UROS: variants seen among roughly 807,000 people sequenced by gnomAD.
UROS encodes uroporphyrinogen-III synthase.
A neutral mutation model predicts 33.0 loss-of-function variants in UROS; 18 were observed. The ratio of observed to expected loss-of-function variants is 0.55; its 90% confidence interval spans 0.38 to 0.81. UROS has a LOEUF of 0.81. UROS is among the 30% of genes least tolerant of loss of function. The pLI is 0.00. For missense variants in UROS, 293 were observed against 314.9 expected (o/e 0.93, Z 0.53); for synonymous variants, 114 against 121.1 (o/e 0.94, Z 0.38).
chr10:125,810,450 C>T (rs965931264), intron 5 of UROS, among the ~76,000 whole-genome samples: 1 of 152,158 alleles, frequency 6.6e-6, no homozygotes, highest in Non-Finnish European at 1.5e-5. Context: ...AGACCCTCCC[C>T]TAAGTCAAGC....
chr10:125,802,659 G>A (rs1374149857), intron 6 of UROS: 3 of 1,215,234 alleles, frequency 2.5e-6, no homozygotes, highest in South Asian at 4.2e-5. Context: ...CTCCTGAACT[G>A]TATGTTTTTA....
intron 5 of UROS, 67 bp downstream of exon 5, chr10:125,812,147 A>C: frequency 1.4e-6 from 2 of 1,453,200 alleles, no homozygotes; most frequent in Non-Finnish European, 1.9e-6. Context: ...AACTGAGTTA[A>C]ACTGTTTTTT....
chr10:125,794,408 T>C, intron 9 of UROS: 1 of 987,714 alleles, frequency 1.0e-6, no homozygotes, highest in Non-Finnish European at 1.2e-6. Flanking sequence ...ACACAAGAGT[T>C]GTGGTTATTT....
intron 8 of UROS, among the ~76,000 whole-genome samples, 158 bp downstream of exon 8, chr10:125,795,945 A>T (rs956604053): frequency 6.6e-6 from 1 of 152,214 alleles, no homozygotes; most frequent in South Asian, 2.1e-4. Context: ...CTAATTCTAG[A>T]ATCCCAGACC....
chr10:125,794,631 A>G (rs1223609699), intron 9 of UROS, among the ~76,000 whole-genome samples: 2 of 152,148 alleles, frequency 1.3e-5, no homozygotes, highest in Non-Finnish European at 2.9e-5. Flanking sequence ...CTAAGCAGGG[A>G]AGACCATACA....
At chr10:125,809,723 G>GA (rs1383269410) in intron 5 of UROS, among the ~76,000 whole-genome samples, 2 of 152,002 alleles carry the variant, frequency 1.3e-5, no homozygotes, top group South Asian at 2.1e-4. Context: ...ATGTACTTTT[G>GA]AAAAAAATTT....
In UROS at chr10:125,797,917, C is replaced by T. The variant is rs963307104; in HGVS notation, c.475+148G>A. ...ACTGCACGTCCACTCTTCCCATGAG[C>T]ATGGTCTCTGTGTCTCCTGGCCTGG... is the stretch of plus-strand genomic sequence containing the variant. On this transcript the variant is annotated intron_variant, in intron 7 of 9. Coordinates refer to ENST00000368797, the MANE Select transcript of UROS (RefSeq NM_000375.3). 6 of 853,964 alleles carry T rather than the reference C, an allele frequency of 7.0e-6. No individual in the cohort carries two copies. The East Asian group carries it at 1.0e-4, about 15-fold the overall frequency. The allele number at this position is 853,964 out of a possible 1,614,324, so 52.9% of individuals were successfully genotyped here. A position where few individuals can be genotyped will look rare whatever the true frequency, so the allele number is the denominator to read the frequency against.
At chr10:125,819,921 T>C (rs964166844) in intron 1 of UROS, 5 of 152,040 alleles carry the variant, frequency 3.3e-5, no homozygotes, top group African/African-American at 1.2e-4. Flanking sequence ...GTCTAATGCT[T>C]GCTCTGCCAT....
chr10:125,817,778 C>T (rs184631355), intron 1 of UROS, among the ~76,000 whole-genome samples: 2 of 152,284 alleles, frequency 1.3e-5, no homozygotes, highest in Non-Finnish European at 2.9e-5. Context: ...AGCTGGGATT[C>T]ACACCCAACC....
At chr10:125,823,008 A>T (rs1369818490) in intron 1 of UROS, 21 bp downstream of exon 1, 1 of 152,444 alleles carries the variant, frequency 6.6e-6, no homozygotes, top group Non-Finnish European at 1.5e-5. Context: ...CCGTACCGGT[A>T]CAGCGGGCGG....
intron 1 of UROS, 110 bp from the exon 2 acceptor site, chr10:125,816,635 G>T: frequency 9.6e-7 from 1 of 1,044,222 alleles, no homozygotes; most frequent in Non-Finnish European, 1.5e-6. Flanking sequence ...TTGTGGAAGA[G>T]ACCTATCCCT....
chr10:125,796,685 A>G (rs1571278), intron 7 of UROS: 332,652 of 729,002 alleles, frequency 0.46, 76,929 homozygotes, highest in Non-Finnish European at 0.47. Context: ...GAACTGATTA[A>G]GCCGTGGACT....
chr10:125,818,119 C>T (rs375304400), intron 1 of UROS, among the ~76,000 whole-genome samples: 7 of 152,144 alleles, frequency 4.6e-5, no homozygotes, highest in African/African-American at 9.7e-5. Context: ...CTTTATCTGA[C>T]GTCACTGAAA....
chr10:125,800,109 G>C (rs7476207), intron 6 of UROS, among the ~76,000 whole-genome samples: 16,328 of 152,122 alleles, frequency 0.11, 1,286 homozygotes, highest in Admixed American at 0.28. Context: ...CAGCTCAGGA[G>C]GGGGCTTGAT....
chr10:125,801,980 T>C, intron 6 of UROS: 6 of 980,662 alleles, frequency 6.1e-6, no homozygotes, highest in Non-Finnish European at 7.3e-6. Context: ...GAGCCACCTA[T>C]TCTATTAAAG....
At chr10:125,794,232 G>A in intron 9 of UROS, 1 of 627,780 alleles carries the variant, frequency 1.6e-6, no homozygotes, top group Non-Finnish European at 2.0e-6. Context: ...AAAACTGGGA[G>A]AGCGGTGCAT....
chr10:125,818,610 G>A (rs1853573640), intron 1 of UROS, among the ~76,000 whole-genome samples: 1 of 152,178 alleles, frequency 6.6e-6, no homozygotes, highest in Non-Finnish European at 1.5e-5. Flanking sequence ...TGAGAAGCGT[G>A]CACAGATAGG....
intron 4 of UROS, 36 bp from the exon 5 acceptor site, chr10:125,812,324 C>T (rs1852890266): frequency 6.3e-7 from 1 of 1,596,916 alleles, no homozygotes; most frequent in Non-Finnish European, 8.6e-7. Flanking sequence ...ATTGCAAATA[C>T]CAAAGTGGCC....
chr10:125,803,078 G>C, intron 6 of UROS: 2 of 1,611,920 alleles, frequency 1.2e-6, no homozygotes, highest in Non-Finnish European at 1.7e-6. Flanking sequence ...TCTTTTAGAA[G>C]CACACAGAGC....
Sources: allele counts gnomAD v4.1 joint callset (sites outside exome capture counted in the v4.1 genomes callset), GRCh38; gene constraint gnomAD v4.1.1; transcripts MANE v1.5; gene names NCBI Gene and HGNC (gene_info 2026-07-23, HGNC 2026-07-21).